Variants in PACS1 observed in about 807,000 individuals in gnomAD.
PACS1 encodes the protein phosphofurin acidic cluster sorting protein 1.
Under a neutral mutation model 115.0 loss-of-function variants are expected in PACS1, and 24 were observed. The ratio of observed to expected loss-of-function variants is 0.21; its 90% confidence interval spans 0.15 to 0.29. The LOEUF is 0.29. PACS1 is among the 10% of genes least tolerant of loss of function. The pLI is 1.00. For synonymous variants in PACS1, 453 were observed against 504.5 expected, an observed-to-expected ratio of 0.90 and a Z score of 1.37; for missense variants, 838 against 1,251.2, an observed-to-expected ratio of 0.67 and a Z score of 4.98.
intron 1 of PACS1, among the ~76,000 whole-genome samples, chr11:66,113,536 GA>G (rs1415479746): frequency 7.9e-5 from 12 of 151,974 alleles, no homozygotes; most frequent in Admixed American, 4.6e-4. Flanking sequence ...AACAAGCAAG[GA>G]AAAAAAATGT....
rs1486266637 is a variant in PACS1 at position 66,236,352 on chromosome 11, C to G, written c.2250+412C>G. 6.6e-6 allele frequency among the ~76,000 whole-genome samples: 1 copy of G among 152,184 alleles called. No homozygotes were observed. Among genetic ancestry groups the G allele is most frequent in the African/African-American group, 2.4e-5 (1 of 41,440 alleles). ...CAGGCCCTGACCTCGCTGCCTTCAC[C>G]CGGGGAGTGATGTCCAGACGTGGCT... On this transcript the variant is annotated intron_variant, in intron 19 of 23. Coordinates refer to ENST00000320580, the MANE Select transcript of PACS1 (RefSeq NM_018026.4). This position sits in a 1 kb window ranked among gnomAD's most constrained non-coding sequence, Gnocchi z 4.2.
At chr11:66,126,280 C>T (rs1326413014) in intron 1 of PACS1, among the ~76,000 whole-genome samples, 1 of 152,158 alleles carries the variant, frequency 6.6e-6, no homozygotes, top group Non-Finnish European at 1.5e-5. Context: ...TTGTTTTGGG[C>T]TTTACTTTGC....
Position 66,150,247 on chromosome 11 carries a change from C to T in PACS1, c.357-43239C>T, listed in dbSNP as rs535406721. On this transcript the variant is annotated intron_variant, in intron 1 of 23. Transcript: ENST00000320580. ...TACAGTTATTTGATCCACTGACATA[C>T]GTTCTTTCTCTTTCTCCCAAAAATA... Among the ~76,000 whole-genome samples, 9 of 152,296 alleles carry T rather than the reference C, an allele frequency of 5.9e-5. No individual in the cohort carries two copies. The South Asian group carries it at 1.5e-3, about 25-fold the overall frequency.
At chr11:66,216,960 A>G in intron 7 of PACS1, 185 bp downstream of exon 7, 1 of 588,396 alleles carries the variant, frequency 1.7e-6, no homozygotes, top group Non-Finnish European at 3.0e-6. Flanking sequence ...TGGGAACCAC[A>G]ATTACTGATA....
At chr11:66,243,054 G>T (rs1389216085) in intron 23 of PACS1, 23 bp downstream of exon 23, 1 of 1,613,736 alleles carries the variant, frequency 6.2e-7, no homozygotes, top group South Asian at 1.1e-5. Context: ...GCAGGGCCGG[G>T]AGGAGGGCAA....
At chr11:66,156,255 GT>G (rs538990110) in intron 1 of PACS1, among the ~76,000 whole-genome samples, 3,356 of 69,554 alleles carry the variant, frequency 0.048, 219 homozygotes, top group African/African-American at 0.15. Context: ...TATATATATA[GT>G]TTTTTTTTTT....
intron 22 of PACS1, among the ~76,000 whole-genome samples, chr11:66,242,577 C>T (rs1040573140): frequency 1.2e-4 from 18 of 152,330 alleles, no homozygotes; most frequent in African/African-American, 4.1e-4. Flanking sequence ...ATAGAGCATG[C>T]GCCTGATAGG....
chr11:66,098,262 GGTTAA>G (rs1231808991), intron 1 of PACS1, among the ~76,000 whole-genome samples: 1 of 152,066 alleles, frequency 6.6e-6, no homozygotes, highest in East Asian at 1.9e-4. Flanking sequence ...ATATATGACG[GGTTAA>G]GTTCTTTATC....
intron 1 of PACS1, among the ~76,000 whole-genome samples, chr11:66,117,775 G>A (rs1182797709): frequency 1.3e-5 from 2 of 152,100 alleles, no homozygotes; most frequent in Non-Finnish European, 2.9e-5. Context: ...GAACCCAGGA[G>A]GTGAGGTTGC....
intron 1 of PACS1, among the ~76,000 whole-genome samples, chr11:66,111,526 T>C (rs1858185771): frequency 6.6e-6 from 1 of 152,230 alleles, no homozygotes; most frequent in African/African-American, 2.4e-5. Context: ...GACCTAACTC[T>C]TGATTCTCTC....
chr11:66,235,021 C>T lies in PACS1; in HGVS notation c.2105-280C>T, dbSNP rs1380396363. Among the ~76,000 whole-genome samples the T allele has an allele frequency of 2.6e-5, 4 of 152,078 alleles. No individual in the cohort carries two copies. The highest frequency in any genetic ancestry group is 4.4e-5 in the Non-Finnish European group (3 of 68,022). ...GTGGGGTGAGGCTCCTCCAGGCCAC[C>T]GGATGGGTATGTGCAAGGACAGGCA... is the stretch of plus-strand genomic sequence containing the variant. On this transcript the variant is annotated intron_variant, in intron 17 of 23. Coordinates refer to ENST00000320580, the MANE Select transcript of PACS1 (RefSeq NM_018026.4). This position sits in a 1 kb window ranked among gnomAD's most constrained non-coding sequence, Gnocchi z 5.6.
intron 2 of PACS1, among the ~76,000 whole-genome samples, chr11:66,203,983 T>C (rs1195928267): frequency 6.6e-6 from 1 of 152,150 alleles, no homozygotes; most frequent in African/African-American, 2.4e-5. Flanking sequence ...CTCCAGGAAA[T>C]TGATCTGGGC....
rs76092442 is a variant in PACS1, at chr11:66,134,501, C to T, written c.357-58985C>T. On this transcript the variant is annotated intron_variant, in intron 1 of 23. Transcript: ENST00000320580. Reference sequence around the variant, plus strand: ...AGGATCCAAATGACACGCTACGTATCGTTGCCATTTCTGATTTGGATGTAC... The same window carrying T: ...AGGATCCAAATGACACGCTACGTATTGTTGCCATTTCTGATTTGGATGTAC... Among the ~76,000 whole-genome samples the T allele has an allele frequency of 8.3e-3, 1,262 of 151,944 alleles. 87 individuals are homozygous for T. The East Asian group carries it at 0.17, about 21-fold the overall frequency.
intron 1 of PACS1, among the ~76,000 whole-genome samples, chr11:66,162,819 A>G (rs1241052473): frequency 1.3e-5 from 2 of 152,234 alleles, no homozygotes; most frequent in Non-Finnish European, 2.9e-5. Context: ...GAAACCAAGT[A>G]AGCAATGTTA....
intron 1 of PACS1, among the ~76,000 whole-genome samples, chr11:66,191,689 G>T (rs188379176): frequency 1.3e-5 from 2 of 152,310 alleles, no homozygotes; most frequent in Admixed American, 1.3e-4. Flanking sequence ...CAAAGAAAGA[G>T]ATTTATTTGT....
chr11:66,143,320 ATC>A (rs1008594277), intron 1 of PACS1, among the ~76,000 whole-genome samples: 2 of 152,162 alleles, frequency 1.3e-5, no homozygotes, highest in Non-Finnish European at 2.9e-5. Flanking sequence ...CAGGTGGAGC[ATC>A]CCCTGTTGGA....
chr11:66,237,579 T>A (rs550661969), intron 19 of PACS1, among the ~76,000 whole-genome samples: 1 of 152,284 alleles, frequency 6.6e-6, no homozygotes, highest in African/African-American at 2.4e-5. Context: ...GTCTAGCCAG[T>A]CCCCGGTTAG....
At chr11:66,211,051 A>G (rs113381095) in intron 3 of PACS1, 83 bp from the exon 4 acceptor site, 13 of 1,484,586 alleles carry the variant, frequency 8.8e-6, no homozygotes, top group Admixed American at 1.7e-5. Flanking sequence ...GAATTGAAGC[A>G]CAGAAAGACT....
intron 1 of PACS1, among the ~76,000 whole-genome samples, chr11:66,191,596 T>C (rs543774193): frequency 1.2e-4 from 18 of 152,332 alleles, no homozygotes; most frequent in African/African-American, 4.3e-4. Flanking sequence ...CAGTCCTGTT[T>C]TTGAGGTCTA....
Sources: allele counts gnomAD v4.1 joint callset (sites outside exome capture counted in the v4.1 genomes callset), GRCh38; gene constraint gnomAD v4.1.1; non-coding constraint Gnocchi (gnomAD v3.1); transcripts MANE v1.5; gene names NCBI Gene and HGNC (gene_info 2026-07-23, HGNC 2026-07-21).